Variants in PTPRG observed in about 807,000 individuals in gnomAD.
PTPRG encodes receptor-type tyrosine-protein phosphatase gamma.
PTPRG carries 102 observed loss-of-function variants against 165.3 expected under a neutral mutation model. The ratio of observed to expected loss-of-function variants is 0.62; its 90% CI spans 0.53 to 0.73. The LOEUF (loss-of-function observed/expected upper bound fraction) is 0.73, where lower values mean the gene tolerates loss of function less well. Ranked by LOEUF, PTPRG falls within the 30% of genes least tolerant of loss-of-function variation. The probability of loss-of-function intolerance (pLI) is 0.00; values close to 1 mark genes in which losing one functional copy is unlikely to be tolerated. For missense variants in PTPRG, 1,866 were observed against 1,861.4 expected, an observed-to-expected ratio of 1.00 and a Z score of -0.05; for synonymous variants, 675 against 669.5, an observed-to-expected ratio of 1.01 and a Z score of -0.13.
intron 2 of PTPRG, among the ~76,000 whole-genome samples, chr3:61,866,202 C>T (rs367608601): frequency 4.6e-4 from 70 of 152,278 alleles, no homozygotes; most frequent in African/African-American, 1.5e-3. Flanking sequence ...GATGCTGTCT[C>T]AACTACTTGC....
chr3:61,576,633 C>T (rs2106786406), intron 1 of PTPRG, among the ~76,000 whole-genome samples: 1 of 152,218 alleles, frequency 6.6e-6, no homozygotes, highest in South Asian at 2.1e-4. Flanking sequence ...CATCTCTGTG[C>T]CTATAATAAG....
intron 6 of PTPRG, among the ~76,000 whole-genome samples, chr3:62,146,324 C>T (rs1268559514): frequency 2.6e-5 from 4 of 152,104 alleles, no homozygotes; most frequent in Non-Finnish European, 5.9e-5. Flanking sequence ...GTCTTTGAAC[C>T]CTGTGGGGTG....
intron 4 of PTPRG, among the ~76,000 whole-genome samples, chr3:62,062,105 G>T (rs963667152): frequency 1.3e-5 from 2 of 151,844 alleles, no homozygotes; most frequent in African/African-American, 2.4e-5. Flanking sequence ...TTCGAGACCA[G>T]CCTGACCAAC....
chr3:61,846,541 T>C (rs1336851025), intron 2 of PTPRG, among the ~76,000 whole-genome samples: 1 of 152,176 alleles, frequency 6.6e-6, no homozygotes, highest in Non-Finnish European at 1.5e-5. Flanking sequence ...GGGTAACTGG[T>C]GGCACCAGTG....
At chr3:61,744,603 T>C (rs893040030) in intron 1 of PTPRG, among the ~76,000 whole-genome samples, 8 of 152,218 alleles carry the variant, frequency 5.3e-5, no homozygotes, top group Non-Finnish European at 8.8e-5. Context: ...TTTCATTGAC[T>C]GAAATTTTAT....
chr3:62,238,312 G>GT (rs1403869114), intron 14 of PTPRG, among the ~76,000 whole-genome samples: 2 of 152,238 alleles, frequency 1.3e-5, no homozygotes, highest in Non-Finnish European at 2.9e-5. Flanking sequence ...AATGTTTCAT[G>GT]TAAGTCCCTC....
intron 4 of PTPRG, among the ~76,000 whole-genome samples, chr3:62,050,415 G>C (rs1050282367): frequency 6.6e-5 from 10 of 152,176 alleles, no homozygotes; most frequent in Non-Finnish European, 7.4e-5. Context: ...TGTATAGCAG[G>C]CTATAGCATC....
chr3:62,069,673 C>CTCTCTCTCTG (rs1701139877), intron 4 of PTPRG, among the ~76,000 whole-genome samples: 1 of 147,588 alleles, frequency 6.8e-6, no homozygotes, highest in African/African-American at 2.6e-5. Flanking sequence ...CTCTCTCTCT[C>CTCTCTCTCTG]TCTCTCTCTC....
At chr3:61,670,925 G>C (rs563067435) in intron 1 of PTPRG, among the ~76,000 whole-genome samples, 1 of 152,134 alleles carries the variant, frequency 6.6e-6, no homozygotes, top group African/African-American at 2.4e-5. Flanking sequence ...GGAGTGTGAC[G>C]TAGAGACACT....
chr3:61,759,589 G>C (rs1194727774), intron 2 of PTPRG, among the ~76,000 whole-genome samples: 2 of 152,106 alleles, frequency 1.3e-5, no homozygotes, highest in Non-Finnish European at 2.9e-5. Flanking sequence ...CCCAGTCAAG[G>C]CTGGAGTGAA....
chr3:61,957,025 T>G lies in PTPRG; in HGVS notation c.191-32600T>G, dbSNP rs1227573626. 2.6e-5 allele frequency among the ~76,000 whole-genome samples: 4 copies of G among 152,220 alleles called. 1 individual carries two copies. Among genetic ancestry groups the G allele is most frequent in the South Asian group, 2.1e-4 (1 of 4,830 alleles). ...TCCACATTAATATTAACTTGAAGTC[T>G]TTCCCTTGTATCACTAAATCACTAC... On this transcript the variant is annotated intron_variant, in intron 2 of 29. Coordinates refer to ENST00000474889, the MANE Select transcript of PTPRG (RefSeq NM_002841.4).
intron 1 of PTPRG, among the ~76,000 whole-genome samples, chr3:61,710,678 ACAGTC>A (rs2031506146): frequency 6.6e-6 from 1 of 152,046 alleles, no homozygotes; most frequent in Non-Finnish European, 1.5e-5. Flanking sequence ...GGCCCAAGAC[ACAGTC>A]CTTCTTTTTC....
chr3:61,681,875 C>G (rs1041138585), intron 1 of PTPRG, among the ~76,000 whole-genome samples: 1 of 152,152 alleles, frequency 6.6e-6, no homozygotes, highest in South Asian at 2.1e-4. Flanking sequence ...AGTGGCCGGG[C>G]GCAGTGGCTC....
intron 1 of PTPRG, among the ~76,000 whole-genome samples, chr3:61,599,479 T>C (rs1700788295): frequency 6.6e-6 from 1 of 152,120 alleles, no homozygotes; most frequent in South Asian, 2.1e-4. Flanking sequence ...CTTTCACATA[T>C]CCTGCATTCT....
chr3:61,924,567 A>G (rs1388007838), intron 2 of PTPRG, among the ~76,000 whole-genome samples: 1 of 152,264 alleles, frequency 6.6e-6, no homozygotes, highest in East Asian at 1.9e-4. Flanking sequence ...TGTGCTGAGT[A>G]CTTACATGTA....
At chr3:62,044,332 A>G (rs1700220710) in intron 4 of PTPRG, among the ~76,000 whole-genome samples, 1 of 152,348 alleles carries the variant, frequency 6.6e-6, no homozygotes, top group East Asian at 1.9e-4. Flanking sequence ...TGAGGTCAGA[A>G]GTTCAAGACA....
At chr3:62,154,671 C>T (rs573092427) in intron 6 of PTPRG, among the ~76,000 whole-genome samples, 2 of 152,218 alleles carry the variant, frequency 1.3e-5, no homozygotes, top group African/African-American at 2.4e-5. Context: ...AGGGGTTTGC[C>T]GGGGTTGTCT....
chr3:61,787,520 G>C (rs2034743248), intron 2 of PTPRG, among the ~76,000 whole-genome samples: 1 of 152,146 alleles, frequency 6.6e-6, no homozygotes, highest in African/African-American at 2.4e-5. Context: ...GCTTTTCAGT[G>C]ATCTGTGAAG....
intron 1 of PTPRG, among the ~76,000 whole-genome samples, chr3:61,676,471 A>AAAAAGAAAG (rs369505317): frequency 1.0e-5 from 1 of 99,022 alleles, no homozygotes; most frequent in Non-Finnish European, 2.3e-5. Flanking sequence ...AAAAAAAAAA[A>AAAAAGAAAG]AAAGAAAATT....
Sources: gnomAD v4.1 joint callset for allele counts (sites outside exome capture counted in the v4.1 genomes callset) on GRCh38, gnomAD v4.1.1 for gene constraint, MANE v1.5 for transcripts, NCBI Gene and HGNC (gene_info 2026-07-23, HGNC 2026-07-21) for gene names.